SEMA4A: variants seen among roughly 807,000 people sequenced by gnomAD.
SEMA4A encodes the protein semaphorin 4A, also known as semaphorin-4A.
Under a neutral mutation model 72.5 loss-of-function variants are expected in SEMA4A, and 52 were observed. That is an observed-to-expected ratio of 0.72 (90% CI 0.57 to 0.90). The LOEUF (loss-of-function observed/expected upper bound fraction) is 0.90, where lower values mean the gene tolerates loss of function less well. SEMA4A is among the 40% of genes least tolerant of loss of function. The pLI is 0.00. For missense variants in SEMA4A, 926 were observed against 959.7 expected (o/e 0.96, Z 0.46); for synonymous variants, 369 against 393.1 (o/e 0.94, Z 0.73).
chr1:156,176,165 A>G (rs910853439), intron 14 of SEMA4A, among the ~76,000 whole-genome samples: 6 of 152,012 alleles, frequency 3.9e-5, no homozygotes, highest in African/African-American at 9.7e-5. Context: ...CTGTAGTCCC[A>G]GCTATTCGGG....
At chr1:156,158,022 G>A (rs1294254035) in intron 3 of SEMA4A, 48 bp from the exon 4 acceptor site, 3 of 1,591,874 alleles carry the variant, frequency 1.9e-6, no homozygotes, top group Admixed American at 1.7e-5. Context: ...AGCTAGAACT[G>A]AGGACCTTAT....
rs755010558 is a variant in SEMA4A at position 156,158,025 on chromosome 1, G to A, written c.301-45G>A. On this transcript the variant is annotated intron_variant, in intron 3 of 14. Coordinates refer to ENST00000368285, the MANE Select transcript of SEMA4A (RefSeq NM_022367.4). The stretch of plus-strand genomic sequence containing the variant: ...GAGGCAGGTCACAGCTAGAACTGAG[G>A]ACCTTATTTCTTTTCATCTCGCCCT... 8 of 1,600,888 alleles carry A rather than the reference G, an allele frequency of 5.0e-6. No individual in the cohort carries two copies. In the East Asian group the frequency reaches 1.8e-4, roughly 36 times the overall value.
rs769146361 is a variant in SEMA4A at position 156,176,830 on chromosome 1, T to C, written c.2119T>C (p.Leu707=). The C allele has an allele frequency of 6.2e-6, 10 of 1,614,046 alleles. No homozygotes were observed. The highest frequency in any genetic ancestry group is 2.2e-5 in the East Asian group (1 of 44,890). The change falls in exon 15 of 15, where the codon TTG becomes CTG. Residue 707 remains leucine, a synonymous_variant. Coordinates refer to ENST00000368285, the MANE Select transcript of SEMA4A (RefSeq NM_022367.4). The stretch of plus-strand genomic sequence containing the variant: ...CCTCATCATCCTCGTGGCCTCCCCA[T>C]TGAGAGCACTCCGGGCTCGGGGCAA... ...GALIILVASP[L]RALRARGKVQ... is the part of the protein sequence containing the mutation.
At chr1:156,148,647 G>A (rs1187301523), upstream of SEMA4A, among the ~76,000 whole-genome samples, 2 of 152,154 alleles carry the variant, frequency 1.3e-5, no homozygotes, top group Non-Finnish European at 2.9e-5. Flanking sequence ...ATGGATGTGA[G>A]GCAGGGAGGG....
rs779006701 is a variant in SEMA4A at position 156,156,577 on chromosome 1, GAGGAGTCC to G, written c.300+7_300+14del. ...GGGTCCCCAGGCTAAAGAACATGGT[GAGGAGTCC>G]AGGGATAAAGAGTGTGGGCTGGGAG... On this transcript the variant is annotated splice_donor_5th_base_variant and intron_variant, in intron 3 of 14. Transcript: ENST00000368285. 2.3e-5 allele frequency: 37 copies of G among 1,613,822 alleles called. No homozygotes were observed. Among genetic ancestry groups the G allele is most frequent in the Middle Eastern group, 3.4e-4 (2 of 5,950 alleles).
At chr1:156,174,711 G>A in intron 11 of SEMA4A, 111 bp from the exon 12 acceptor site, 3 of 1,345,178 alleles carry the variant, frequency 2.2e-6, no homozygotes, top group Non-Finnish European at 3.2e-6. Context: ...CCCGCGCCCA[G>A]TACATATCAC....
rs1411283336 is a variant in SEMA4A at position 156,160,340 on chromosome 1, C to T, written c.569-103C>T. On this transcript the variant is annotated intron_variant, in intron 6 of 14. Transcript: ENST00000368285. ...GAAGGTGCAGAACTGATGCAGGGCC[C>T]CCGAGACTGATATGGATGCCAGCCC... is the stretch of plus-strand genomic sequence containing the variant. 4 of 902,124 alleles carry T rather than the reference C, an allele frequency of 4.4e-6. No homozygotes were observed. The African/African-American group carries it at 4.9e-5, about 11-fold the overall frequency. 55.9% of individuals were successfully genotyped at this position (902,124 alleles called of 1,614,324 possible). A position where few individuals can be genotyped will look rare whatever the true frequency, so the allele number is the denominator to read the frequency against.
chr1:156,158,100 A>T lies in SEMA4A; in HGVS notation c.331A>T (p.Ser111Cys). ...GTGGCCAGCCAGTGACAGAAAAAAG[A>T]GTGAATGTGCCTTTAAGAAGAAGAG... The part of the protein sequence containing the change: ...IPWPASDRKK[S>C]ECAFKKKSNE... The change falls in exon 4 of 15, where the codon AGT becomes TGT. Residue 111 changes from serine to cysteine, a missense_variant. Ser to Cys is a moderately radical substitution (Grantham distance 112). Transcript: ENST00000368285. 1.2e-6 allele frequency: 2 copies of T among 1,614,128 alleles called. No homozygotes were observed. The highest frequency in any genetic ancestry group is 2.2e-5 in the South Asian group (2 of 91,070).
chr1:156,163,063 G>A lies in SEMA4A; in HGVS notation c.1103G>A (p.Arg368Lys). The A allele has an allele frequency of 6.2e-7, 1 of 1,614,148 alleles. No individual in the cohort carries two copies. The highest frequency in any genetic ancestry group is 1.7e-5 in the Admixed American group (1 of 60,024). The change falls in exon 10 of 15, where the codon AGG becomes AAG. Residue 368 changes from arginine to lysine, a missense_variant. By Grantham distance (26) the Arg-to-Lys change is conservative. Coordinates refer to ENST00000368285, the MANE Select transcript of SEMA4A (RefSeq NM_022367.4). ...NKETSRWTTY[R>K]GPETNPRPGS... ...GAAACTTCACGCTGGACTACTTATA[G>A]GGGCCCTGAGACCAACCCCCGGCCA...
intron 5 of SEMA4A, 58 bp downstream of exon 5, chr1:156,158,544 A>G: frequency 7.0e-7 from 1 of 1,434,492 alleles, no homozygotes. Context: ...ACATCTACCC[A>G]CGACTTTCCT....
At chr1:156,148,070 T>A (rs1652237971), upstream of SEMA4A, among the ~76,000 whole-genome samples, 1 of 152,180 alleles carries the variant, frequency 6.6e-6, no homozygotes, top group Non-Finnish European at 1.5e-5. Flanking sequence ...CCAGGTAGGA[T>A]CTATAGGCTC....
At chr1:156,176,163 C>T (rs1220097655) in intron 14 of SEMA4A, among the ~76,000 whole-genome samples, 1 of 151,986 alleles carries the variant, frequency 6.6e-6, no homozygotes, top group Non-Finnish European at 1.5e-5. Context: ...GCCTGTAGTC[C>T]CAGCTATTCG....
At chr1:156,151,493 G>A (rs1469604906), upstream of SEMA4A, among the ~76,000 whole-genome samples, 1 of 152,192 alleles carries the variant, frequency 6.6e-6, no homozygotes, top group Non-Finnish European at 1.5e-5. Flanking sequence ...GAAGGTTTCT[G>A]TTCCCTCTGA....
chr1:156,161,123 G>A, intron 8 of SEMA4A, 94 bp downstream of exon 8: 2 of 1,399,800 alleles, frequency 1.4e-6, no homozygotes, highest in Non-Finnish European at 2.0e-6. Flanking sequence ...CAGTGAGAGC[G>A]GGGGAGCGGG....
chr1:156,161,485 C>G lies in SEMA4A; in HGVS notation c.950C>G (p.Ala317Gly). Residue 317 changes from alanine to glycine, a missense_variant, in exon 9 of 15, where the codon GCT becomes GGT. Transcript: ENST00000368285. Reference sequence around the variant, plus strand: ...CTGCTCCCCGCCGATTCTCCCACAGCTCCCCACATCTACGCAGTCTTCACC... The same window carrying G: ...CTGCTCCCCGCCGATTCTCCCACAGGTCCCCACATCTACGCAGTCTTCACC... ...AVLLPADSPT[A>G]PHIYAVFTSQ... is the part of the protein sequence containing the mutation. 1 of 1,614,068 alleles carries G rather than the reference C, an allele frequency of 6.2e-7. No homozygotes were observed. Among genetic ancestry groups the G allele is most frequent in the South Asian group, 1.1e-5 (1 of 91,046 alleles).
intron 13 of SEMA4A, 141 bp from the exon 14 acceptor site, chr1:156,175,415 C>T: frequency 8.9e-7 from 1 of 1,121,118 alleles, no homozygotes; most frequent in South Asian, 1.3e-5. Flanking sequence ...TTTGAAGCTG[C>T]TCTGGCCATT....
rs1350006564 is a variant in SEMA4A at position 156,161,061 on chromosome 1, TGGA to T, written c.810+37_810+39del. ...GGCCTGGGCGGGGGGCGGGGCTAAC[TGGA>T]GGAGAACCAATAGGGAGATGGCAGG... On this transcript the variant is annotated intron_variant, in intron 8 of 14. Coordinates refer to ENST00000368285, the MANE Select transcript of SEMA4A (RefSeq NM_022367.4). The T allele has an allele frequency of 2.6e-6, 4 of 1,518,292 alleles. No homozygotes were observed. In the South Asian group the frequency reaches 3.4e-5, roughly 13 times the overall value. The allele number at this position is 1,518,292 out of a possible 1,614,324, so 94.1% of individuals were successfully genotyped here. A position where few individuals can be genotyped will look rare whatever the true frequency, so the allele number is the denominator to read the frequency against.
intron 13 of SEMA4A, 63 bp from the exon 14 acceptor site, chr1:156,175,493 C>T: frequency 7.3e-7 from 1 of 1,370,662 alleles, no homozygotes; most frequent in African/African-American, 1.4e-5. Flanking sequence ...TCCTCCCTTC[C>T]TCCTTCCTCT....
chr1:156,175,320 T>A (rs1366001498), intron 13 of SEMA4A, 77 bp downstream of exon 13: 2 of 1,490,080 alleles, frequency 1.3e-6, no homozygotes, highest in African/African-American at 2.8e-5. Context: ...CTGTTCTTCC[T>A]CTCTCCAGGG....
Sources: allele counts gnomAD v4.1 joint callset (sites outside exome capture counted in the v4.1 genomes callset), GRCh38; gene constraint gnomAD v4.1.1; transcripts MANE v1.5; gene names NCBI Gene and HGNC (gene_info 2026-07-23, HGNC 2026-07-21).